The following PXDC1 variants were observed in gnomAD, a reference collection of about 807,000 sequenced individuals.
PXDC1 encodes PX domain containing 1.
A neutral mutation model predicts 24.4 loss-of-function variants in PXDC1; 13 were observed. The observed-to-expected ratio is 0.53, with a 90% CI of 0.35 to 0.85. The LOEUF (loss-of-function observed/expected upper bound fraction) is 0.85, where lower values mean the gene tolerates loss of function less well. Among genes scored for constraint, PXDC1 ranks in the 40% least tolerant of loss-of-function variants. PXDC1 has a pLI of 0.01. For synonymous variants in PXDC1, 162 were observed against 124.9 expected (o/e 1.30, Z -1.98); for missense variants, 344 against 309.3 (o/e 1.11, Z -0.84).
intron 4 of PXDC1, among the ~76,000 whole-genome samples, chr6:3,726,665 C>T (rs1027496545): frequency 6.6e-6 from 1 of 152,196 alleles, no homozygotes; most frequent in South Asian, 2.1e-4. Context: ...ATGTGGGCCT[C>T]GGCACATGTG....
Position 3,746,245 on chromosome 6 carries a change from G to T in PXDC1, c.256+5031C>A, listed in dbSNP as rs186983195. Among the ~76,000 whole-genome samples, 94 of 152,332 alleles carry T rather than the reference G, an allele frequency of 6.2e-4. No homozygotes were observed. In the East Asian group the frequency reaches 8.9e-3, roughly 14 times the overall value. On this transcript the variant is annotated intron_variant, in intron 1 of 4. Transcript: ENST00000380283. ...AGGGGCTCAGTCTGAGATCTGTCGG[G>T]GGGGCAGCAAACCAAACGCAGCTCA...
chr6:3,737,949 G>T lies in PXDC1; in HGVS notation c.348+108C>A. On this transcript the variant is annotated intron_variant, in intron 2 of 4. Transcript: ENST00000380283. The surrounding 1 kb of genome is among the most constrained non-coding windows in gnomAD (Gnocchi z 5.5). ...CAGGGAGGGAACAAAACGGCTAAGT[G>T]AGACAGAGCAAGCAAGTCAACCCTC... The T allele has an allele frequency of 1.1e-6, 1 of 936,616 alleles. No homozygotes were observed. The highest frequency in any genetic ancestry group is 1.7e-6 in the Non-Finnish European group (1 of 596,446). The allele number at this position is 936,616 out of a possible 1,614,324, so 58.0% of individuals were successfully genotyped here.
Position 3,725,371 on chromosome 6 carries a change from C to T in PXDC1, c.579-1635G>A, listed in dbSNP as rs565947676. On this transcript the variant is annotated intron_variant, in intron 4 of 4. Coordinates refer to ENST00000380283, the MANE Select transcript of PXDC1 (RefSeq NM_183373.4). The surrounding 1 kb of genome is among the most constrained non-coding windows in gnomAD (Gnocchi z 4.8). ...GCCCAGTGCCTCGGCCCTGGATGAC[C>T]TCCCAGAAGCCAGGCAATCCCTTCG... 6.6e-6 allele frequency among the ~76,000 whole-genome samples: 1 copy of T among 152,328 alleles called. No homozygotes were observed. Among genetic ancestry groups the T allele is most frequent in the South Asian group, 2.1e-4 (1 of 4,830 alleles).
chr6:3,745,172 G>C (rs1157430718), intron 1 of PXDC1, among the ~76,000 whole-genome samples: 1 of 152,226 alleles, frequency 6.6e-6, no homozygotes, highest in Non-Finnish European at 1.5e-5. Context: ...TCTTTAGCCA[G>C]GGCAGGGGTA....
chr6:3,727,683 G>A, intron 3 of PXDC1, 21 bp from the exon 4 acceptor site: 12 of 1,543,506 alleles, frequency 7.8e-6, no homozygotes, highest in Non-Finnish European at 1.1e-5. Context: ...AAGCAACAAG[G>A]TGAGTCCTCA....
In PXDC1 at chr6:3,722,758, G is replaced by T. The variant is rs928495103; in HGVS notation, c.*861C>A. The T allele has an allele frequency of 4.6e-5, 7 of 152,614 alleles. No individual in the cohort carries two copies. Among genetic ancestry groups the T allele is most frequent in the Non-Finnish European group, 1.0e-4 (7 of 68,040 alleles). 9.5% of individuals were successfully genotyped at this position (152,614 alleles called of 1,614,324 possible). On this transcript the variant is annotated 3_prime_UTR_variant, in exon 5 of 5. Transcript: ENST00000380283. ...ACTGAGCAGAGAAGCTTGAAGAACGGGGATCCTCTCCTGTGGGCAGGGGAG... is the reference window on the plus strand; with the variant it reads ...ACTGAGCAGAGAAGCTTGAAGAACGTGGATCCTCTCCTGTGGGCAGGGGAG...
At chr6:3,748,315 G>A (rs1056773209) in intron 1 of PXDC1, among the ~76,000 whole-genome samples, 1 of 152,094 alleles carries the variant, frequency 6.6e-6, no homozygotes, top group African/African-American at 2.4e-5. Context: ...AAAGGGAGAG[G>A]GGGCATATCC....
At position 3,724,671 on chromosome 6, in the gene PXDC1, G is replaced by A. The variant is rs968282996; in HGVS notation, c.579-935C>T. On this transcript the variant is annotated intron_variant, in intron 4 of 4. Transcript: ENST00000380283. The surrounding 1 kb of genome is among the most constrained non-coding windows in gnomAD (Gnocchi z 4.5). Reference sequence around the variant, plus strand: ...CCACCTCGGGGCTGCCTCCTGTGCCGCCCCCAGTGACTGAAGGTGGCCCTG... The same window carrying A: ...CCACCTCGGGGCTGCCTCCTGTGCCACCCCCAGTGACTGAAGGTGGCCCTG... Among the ~76,000 whole-genome samples, 5 of 152,028 alleles carry A rather than the reference G, an allele frequency of 3.3e-5. No homozygotes were observed. Among genetic ancestry groups the A allele is most frequent in the African/African-American group, 7.2e-5 (3 of 41,384 alleles).
At chr6:3,751,162 C>G in intron 1 of PXDC1, 114 bp downstream of exon 1, 1 of 859,842 alleles carries the variant, frequency 1.2e-6, no homozygotes, top group Non-Finnish European at 1.7e-6. Flanking sequence ...GTCCCCTGTC[C>G]AGGGCGGGCA....
chr6:3,734,764 T>C lies in PXDC1; in HGVS notation c.466+2315A>G, dbSNP rs551209913. On this transcript the variant is annotated intron_variant, in intron 3 of 4. Coordinates refer to ENST00000380283, the MANE Select transcript of PXDC1 (RefSeq NM_183373.4). The stretch of plus-strand genomic sequence containing the variant: ...ATCGCAATCCCCATCAAAATACAAA[T>C]GACATTCTTCACAGGAATAGAAAAA... Among the ~76,000 whole-genome samples the C allele has an allele frequency of 6.6e-5, 10 of 151,564 alleles. No homozygotes were observed. The South Asian group carries it at 1.0e-3, about 16-fold the overall frequency.
At chr6:3,734,936 C>T (rs1760282645) in intron 3 of PXDC1, among the ~76,000 whole-genome samples, 1 of 151,936 alleles carries the variant, frequency 6.6e-6, no homozygotes, top group Non-Finnish European at 1.5e-5. Context: ...AATACAAAAA[C>T]TAGCCTGGCA....
intron 3 of PXDC1, among the ~76,000 whole-genome samples, chr6:3,735,648 C>T (rs778795577): frequency 6.6e-6 from 1 of 152,072 alleles, no homozygotes; most frequent in Non-Finnish European, 1.5e-5. Flanking sequence ...TCAGTGAGCA[C>T]GAAGTGACAG....
chr6:3,737,479 C>T lies in PXDC1; in HGVS notation c.349-283G>A, dbSNP rs368572863. 4.0e-4 allele frequency: 71 copies of T among 177,686 alleles called. 1 individual carries two copies. In the East Asian group the frequency reaches 0.011, roughly 27 times the overall value. The allele number at this position is 177,686 out of a possible 1,614,324, so 11.0% of individuals were successfully genotyped here. ...GCCAGTTTCACTTGCGCCTCCCTCC[C>T]TCTATAGTCAACTGTAGGCTGTGTC... On this transcript the variant is annotated intron_variant, in intron 2 of 4. Coordinates refer to ENST00000380283, the MANE Select transcript of PXDC1 (RefSeq NM_183373.4). The surrounding 1 kb of genome is among the most constrained non-coding windows in gnomAD (Gnocchi z 5.5).
chr6:3,747,990 G>A (rs569918772), intron 1 of PXDC1, among the ~76,000 whole-genome samples: 11 of 152,326 alleles, frequency 7.2e-5, no homozygotes, highest in Admixed American at 3.9e-4. Flanking sequence ...TTGCTGCAGT[G>A]GTGACCTGGT....
At chr6:3,726,335 G>C (rs1203859635) in intron 4 of PXDC1, among the ~76,000 whole-genome samples, 2 of 152,250 alleles carry the variant, frequency 1.3e-5, no homozygotes, top group Admixed American at 1.3e-4. Flanking sequence ...TAGGTAATGA[G>C]TGAATGAGCT....
rs1760045402 is a variant in PXDC1 at position 3,725,584 on chromosome 6, C to T, written c.579-1848G>A. 6.6e-6 allele frequency among the ~76,000 whole-genome samples: 1 copy of T among 152,244 alleles called. No homozygotes were observed. Among genetic ancestry groups the T allele is most frequent in the Non-Finnish European group, 1.5e-5 (1 of 68,034 alleles). On this transcript the variant is annotated intron_variant, in intron 4 of 4. Coordinates refer to ENST00000380283, the MANE Select transcript of PXDC1 (RefSeq NM_183373.4). The surrounding 1 kb of genome is among the most constrained non-coding windows in gnomAD (Gnocchi z 4.8). The stretch of plus-strand genomic sequence containing the variant: ...GGGCCCTGCTGTGGGCCCGGCGGCA[C>T]TGGGCTCACAGGCTCGGGCCAGACA...
chr6:3,741,462 G>T (rs1760447175), intron 1 of PXDC1, among the ~76,000 whole-genome samples: 1 of 152,194 alleles, frequency 6.6e-6, no homozygotes, highest in Non-Finnish European at 1.5e-5. Flanking sequence ...GTCCATTATT[G>T]AATTCCCCAT....
chr6:3,744,269 G>A lies in PXDC1; in HGVS notation c.257-6121C>T, dbSNP rs1581251029. The stretch of plus-strand genomic sequence containing the variant: ...CAGGCAGGAAGGAAGCACTTCAGTC[G>A]CTCTTCCCAAAGCACCCATGGCTCC... On this transcript the variant is annotated intron_variant, in intron 1 of 4. Transcript: ENST00000380283. Among the ~76,000 whole-genome samples, 3 of 152,288 alleles carry A rather than the reference G, an allele frequency of 2.0e-5. No individual in the cohort carries two copies. The South Asian group carries it at 6.2e-4, about 32-fold the overall frequency.
Position 3,741,169 on chromosome 6 carries a change from C to T in PXDC1, c.257-3021G>A, listed in dbSNP as rs560098702. On this transcript the variant is annotated intron_variant, in intron 1 of 4. Coordinates refer to ENST00000380283, the MANE Select transcript of PXDC1 (RefSeq NM_183373.4). ...CAGCAGGCTCTTCGGTCACCAGCCT[C>T]GAAGGAGAGTCTCGAGGGCCAAGTG... Among the ~76,000 whole-genome samples, 18 of 152,350 alleles carry T rather than the reference C, an allele frequency of 1.2e-4. 1 individual carries two copies. The South Asian group carries it at 3.7e-3, about 32-fold the overall frequency.
Sources: gnomAD v4.1 joint callset for allele counts (sites outside exome capture counted in the v4.1 genomes callset) on GRCh38, gnomAD v4.1.1 for gene constraint, Gnocchi (gnomAD v3.1) non-coding constraint, MANE v1.5 for transcripts, NCBI Gene and HGNC (gene_info 2026-07-23, HGNC 2026-07-21) for gene names.